EPHA6: variants seen among roughly 807,000 people sequenced by gnomAD.
EPHA6 encodes the protein EPH receptor A6.
A neutral mutation model predicts 112.0 loss-of-function variants in EPHA6; 50 were observed. The observed-to-expected ratio is 0.45, with a 90% confidence interval of 0.36 to 0.56. The LOEUF (loss-of-function observed/expected upper bound fraction) is 0.56. Among genes scored for constraint, EPHA6 ranks in the 20% least tolerant of loss-of-function variants. EPHA6 has a pLI of 0.00. For synonymous variants in EPHA6, 529 were observed against 490.7 expected (o/e 1.08, Z -1.03); for missense variants, 1,280 against 1,417.4 (o/e 0.90, Z 1.56).
intron 3 of EPHA6, among the ~76,000 whole-genome samples, chr3:97,073,440 T>TCAGAGATTTTGTCA (rs1382869408): frequency 6.6e-6 from 1 of 152,120 alleles, no homozygotes; most frequent in East Asian, 1.9e-4. Flanking sequence ...CAAAGAAAAT[T>TCAGAGATTTTGTCA]CAGAGATTTT....
At chr3:97,562,716 T>G (rs1395242191) in intron 11 of EPHA6, among the ~76,000 whole-genome samples, 1 of 152,194 alleles carries the variant, frequency 6.6e-6, no homozygotes, top group Non-Finnish European at 1.5e-5. Context: ...GGTAAAATGC[T>G]GTCAAACAGC....
chr3:97,617,418 C>G (rs546881880), intron 13 of EPHA6, among the ~76,000 whole-genome samples: 9 of 152,240 alleles, frequency 5.9e-5, no homozygotes, highest in African/African-American at 2.2e-4. Context: ...ATCAAATCCA[C>G]ACATAACAAT....
rs368273967 is a variant in EPHA6 at position 97,017,529 on chromosome 3, T to A, written c.1114+29536T>A. On this transcript the variant is annotated intron_variant, in intron 3 of 17. Transcript: ENST00000389672. ...GGCCCCAAATAAACGGGAAAGGCAG[T>A]CTAGGCCCCAATGACTGAAACTTCT... 7.9e-5 allele frequency among the ~76,000 whole-genome samples: 12 copies of A among 152,276 alleles called. No homozygotes were observed. The East Asian group carries it at 2.3e-3, about 29-fold the overall frequency.
chr3:96,895,817 T>C (rs2038240026), intron 2 of EPHA6, among the ~76,000 whole-genome samples: 1 of 152,198 alleles, frequency 6.6e-6, no homozygotes, highest in Admixed American at 6.5e-5. Flanking sequence ...CATCTTTACA[T>C]GTCCATCTTT....
chr3:97,339,512 A>G (rs917036037), intron 5 of EPHA6, among the ~76,000 whole-genome samples: 39 of 152,190 alleles, frequency 2.6e-4, no homozygotes, highest in South Asian at 8.3e-4. Flanking sequence ...TATTTTAACA[A>G]CGTGGGCTTT....
At chr3:97,463,980 A>G (rs1260151689) in intron 7 of EPHA6, among the ~76,000 whole-genome samples, 2 of 152,160 alleles carry the variant, frequency 1.3e-5, no homozygotes, top group Non-Finnish European at 2.9e-5. Context: ...AAAGATTGAG[A>G]CAAGAAACTG....
intron 3 of EPHA6, among the ~76,000 whole-genome samples, chr3:97,134,198 CAT>C (rs1278796084): frequency 6.6e-6 from 1 of 152,014 alleles, no homozygotes; most frequent in Non-Finnish European, 1.5e-5. Context: ...AAAATATCAA[CAT>C]ATGAAAATAG....
chr3:96,861,616 T>C (rs2036012072), intron 1 of EPHA6, among the ~76,000 whole-genome samples: 1 of 151,904 alleles, frequency 6.6e-6, no homozygotes, highest in South Asian at 2.1e-4. Context: ...TCATATTACC[T>C]TATACTTACA....
At chr3:97,517,088 G>A (rs1017508226) in intron 10 of EPHA6, among the ~76,000 whole-genome samples, 17 of 152,008 alleles carry the variant, frequency 1.1e-4, no homozygotes, top group African/African-American at 3.6e-4. Flanking sequence ...TGGGATCGGC[G>A]GAAGTGTTGA....
intron 3 of EPHA6, among the ~76,000 whole-genome samples, chr3:97,224,075 G>T (rs1399499811): frequency 6.6e-6 from 1 of 152,014 alleles, no homozygotes; most frequent in Non-Finnish European, 1.5e-5. Flanking sequence ...TATTTCAATG[G>T]TTGATTTAAT....
At chr3:96,897,673 T>A (rs752232606) in intron 2 of EPHA6, among the ~76,000 whole-genome samples, 1 of 152,180 alleles carries the variant, frequency 6.6e-6, no homozygotes, top group African/African-American at 2.4e-5. Context: ...GCTACATATA[T>A]AGAGAAAACA....
At chr3:97,398,249 A>T (rs1321837990) in intron 5 of EPHA6, among the ~76,000 whole-genome samples, 3 of 151,452 alleles carry the variant, frequency 2.0e-5, no homozygotes, top group East Asian at 3.9e-4. Context: ...TTAAACTGAA[A>T]ATTAACCATA....
chr3:97,438,784 T>G (rs2089986818), intron 6 of EPHA6, among the ~76,000 whole-genome samples: 1 of 152,188 alleles, frequency 6.6e-6, no homozygotes, highest in Non-Finnish European at 1.5e-5. Flanking sequence ...GTTACACACC[T>G]GCTGGATCCT....
At chr3:97,331,664 C>T (rs1434695731) in intron 5 of EPHA6, among the ~76,000 whole-genome samples, 1 of 152,188 alleles carries the variant, frequency 6.6e-6, no homozygotes, top group African/African-American at 2.4e-5. Flanking sequence ...ATAAATTCCT[C>T]GACACATACC....
intron 11 of EPHA6, among the ~76,000 whole-genome samples, chr3:97,578,307 T>G (rs2093406546): frequency 6.6e-6 from 1 of 152,006 alleles, no homozygotes; most frequent in Admixed American, 6.5e-5. Flanking sequence ...ACAGCTGTCT[T>G]CAGCACACTG....
chr3:97,182,452 G>A (rs1346983026), intron 3 of EPHA6, among the ~76,000 whole-genome samples: 1 of 151,644 alleles, frequency 6.6e-6, no homozygotes, highest in Non-Finnish European at 1.5e-5. Context: ...GGAATTTTTA[G>A]TTTTACAATG....
At chr3:97,726,069 A>G (rs1163102056) in intron 15 of EPHA6, among the ~76,000 whole-genome samples, 1 of 152,154 alleles carries the variant, frequency 6.6e-6, no homozygotes, top group Non-Finnish European at 1.5e-5. Context: ...TGGTCTTACT[A>G]TGAGCCAAGT....
intron 3 of EPHA6, among the ~76,000 whole-genome samples, chr3:97,083,178 C>T (rs2046777963): frequency 6.6e-6 from 1 of 151,934 alleles, no homozygotes. Context: ...GCCTCAAATT[C>T]ACTTTTCCTG....
At chr3:97,546,523 A>G (rs914116795) in intron 11 of EPHA6, among the ~76,000 whole-genome samples, 19 of 151,946 alleles carry the variant, frequency 1.3e-4, no homozygotes, top group Non-Finnish European at 2.5e-4. Flanking sequence ...CAACTTTGGT[A>G]AATCTGACAA....
Sources: gnomAD v4.1 joint callset for allele counts (sites outside exome capture counted in the v4.1 genomes callset) on GRCh38, gnomAD v4.1.1 for gene constraint, MANE v1.5 for transcripts, NCBI Gene and HGNC (gene_info 2026-07-23, HGNC 2026-07-21) for gene names.